Variants in DCUN1D3 observed in about 807,000 individuals in gnomAD.
DCUN1D3 encodes the protein DCN1-like protein 3.
A neutral mutation model predicts 24.8 loss-of-function variants in DCUN1D3; 6 were observed. That is an observed-to-expected ratio of 0.24 (90% CI 0.13 to 0.48). The LOEUF is 0.48. Ranked by LOEUF, DCUN1D3 falls within the 20% of genes least tolerant of loss-of-function variation. DCUN1D3 has a pLI of 0.99. For missense variants in DCUN1D3, 258 were observed against 379.4 expected (o/e 0.68, Z 2.66); for synonymous variants, 120 against 144.9 (o/e 0.83, Z 1.24).
intron 1 of DCUN1D3, among the ~76,000 whole-genome samples, chr16:20,888,462 A>AT (rs2152518648): frequency 6.6e-6 from 1 of 152,240 alleles, no homozygotes; most frequent in South Asian, 2.1e-4. Flanking sequence ...ATGTACATCT[A>AT]TTTTTTGTTT....
At chr16:20,888,869 T>G (rs896353663) in intron 1 of DCUN1D3, among the ~76,000 whole-genome samples, 1 of 152,122 alleles carries the variant, frequency 6.6e-6, no homozygotes, top group Admixed American at 6.6e-5. Flanking sequence ...GGTGGATCAC[T>G]TGAGGTCAGG....
At chr16:20,898,459 CT>C (rs1225179466) in intron 1 of DCUN1D3, among the ~76,000 whole-genome samples, 3 of 152,214 alleles carry the variant, frequency 2.0e-5, no homozygotes, top group South Asian at 2.1e-4. Context: ...CTGGCTAGCA[CT>C]TAGGAGTCAA....
intron 1 of DCUN1D3, among the ~76,000 whole-genome samples, chr16:20,894,000 C>T (rs2081904134): frequency 6.6e-6 from 1 of 152,186 alleles, no homozygotes; most frequent in African/African-American, 2.4e-5. Flanking sequence ...GGTGTGGTGG[C>T]TCACGCCTGT....
At chr16:20,892,618 C>T (rs2081897162) in intron 1 of DCUN1D3, among the ~76,000 whole-genome samples, 1 of 152,212 alleles carries the variant, frequency 6.6e-6, no homozygotes, top group Non-Finnish European at 1.5e-5. Flanking sequence ...ATGGATCCAC[C>T]TGGATTCTCC....
At chr16:20,881,613 A>C (rs1004633095) in intron 1 of DCUN1D3, among the ~76,000 whole-genome samples, 4 of 151,850 alleles carry the variant, frequency 2.6e-5, no homozygotes, top group African/African-American at 2.4e-5. Flanking sequence ...GGCATTTTAC[A>C]GTCATGATAG....
intron 1 of DCUN1D3, among the ~76,000 whole-genome samples, chr16:20,866,499 C>A (rs2081762840): frequency 6.6e-6 from 1 of 152,110 alleles, no homozygotes; most frequent in Admixed American, 6.5e-5. Context: ...CAAATCCTGG[C>A]GCCAAGGCCT....
At chr16:20,895,494 C>T (rs553681493) in intron 1 of DCUN1D3, among the ~76,000 whole-genome samples, 14 of 152,272 alleles carry the variant, frequency 9.2e-5, no homozygotes, top group African/African-American at 2.2e-4. Flanking sequence ...TGTGCATCAC[C>T]GCCACTCCCT....
intron 1 of DCUN1D3, among the ~76,000 whole-genome samples, chr16:20,895,251 T>C (rs988893103): frequency 9.2e-5 from 9 of 97,622 alleles, no homozygotes; most frequent in African/African-American, 3.8e-4. Flanking sequence ...TGCACCACCA[T>C]GCCTGGCTAA....
chr16:20,889,686 G>T lies in DCUN1D3; in HGVS notation c.-106+10518C>A, dbSNP rs2081882936. Among the ~76,000 whole-genome samples the T allele has an allele frequency of 3.9e-5, 6 of 152,082 alleles. No homozygotes were observed. The South Asian group carries it at 1.2e-3, about 32-fold the overall frequency. ...AATGGAGTATTAGAAAAATGTATTTGGTCTTTGTCCCTGGTTCCTGCCAGA... is the reference window on the plus strand; with the variant it reads ...AATGGAGTATTAGAAAAATGTATTTTGTCTTTGTCCCTGGTTCCTGCCAGA... On this transcript the variant is annotated intron_variant, in intron 1 of 2. Transcript: ENST00000324344.
At chr16:20,870,921 C>T (rs2081785284) in intron 1 of DCUN1D3, among the ~76,000 whole-genome samples, 1 of 152,210 alleles carries the variant, frequency 6.6e-6, no homozygotes, top group Non-Finnish European at 1.5e-5. Context: ...GGCGGTTGTA[C>T]TGGCACAGCC....
At chr16:20,866,924 G>C (rs1056760588) in intron 1 of DCUN1D3, among the ~76,000 whole-genome samples, 2 of 152,126 alleles carry the variant, frequency 1.3e-5, no homozygotes, top group Non-Finnish European at 2.9e-5. Context: ...CTTTCCCCAG[G>C]CTCCATCACA....
intron 1 of DCUN1D3, among the ~76,000 whole-genome samples, chr16:20,899,160 AAAGT>A (rs2081941350): frequency 6.6e-6 from 1 of 152,382 alleles, no homozygotes; most frequent in Non-Finnish European, 1.5e-5. Flanking sequence ...TAGAAACAAA[AAAGT>A]AATATGGGGT....
chr16:20,899,235 T>C (rs775422677), intron 1 of DCUN1D3, among the ~76,000 whole-genome samples: 1 of 152,360 alleles, frequency 6.6e-6, no homozygotes, highest in Non-Finnish European at 1.5e-5. Flanking sequence ...AATCCAGAAT[T>C]AGCCTAGCAA....
intron 1 of DCUN1D3, among the ~76,000 whole-genome samples, chr16:20,881,854 G>A (rs937316293): frequency 2.0e-5 from 3 of 152,162 alleles, no homozygotes; most frequent in African/African-American, 7.2e-5. Flanking sequence ...GCGTGCTGGA[G>A]TGCAGTGGTA....
rs563188378 is a variant in DCUN1D3 at position 20,873,797 on chromosome 16, A to T, written c.-105-11154T>A. ...CAACCCTGAAAATACAGGAGGCTGG[A>T]GATGCTACCAGAAAGAGCTACCAGA... On this transcript the variant is annotated intron_variant, in intron 1 of 2. Coordinates refer to ENST00000324344, the MANE Select transcript of DCUN1D3 (RefSeq NM_173475.4). Among the ~76,000 whole-genome samples the T allele has an allele frequency of 2.6e-5, 4 of 152,294 alleles. No homozygotes were observed. The East Asian group carries it at 7.7e-4, about 29-fold the overall frequency.
Position 20,864,927 on chromosome 16 carries a change from AATG to A in DCUN1D3, c.-105-2287_-105-2285del, listed in dbSNP as rs1419433489. Among the ~76,000 whole-genome samples the A allele has an allele frequency of 2.6e-5, 4 of 152,200 alleles. No individual in the cohort carries two copies. The East Asian group carries it at 7.7e-4, about 29-fold the overall frequency. On this transcript the variant is annotated intron_variant, in intron 1 of 2. Coordinates refer to ENST00000324344, the MANE Select transcript of DCUN1D3 (RefSeq NM_173475.4). ...ATACTCACTTATAAAGTGCGAGCTA[AATG>A]ATGAGAACTTATGAATACAAAGAAG...
At chr16:20,874,074 G>A (rs1286832339) in intron 1 of DCUN1D3, among the ~76,000 whole-genome samples, 1 of 152,186 alleles carries the variant, frequency 6.6e-6, no homozygotes, top group Non-Finnish European at 1.5e-5. Flanking sequence ...TTAGATATCA[G>A]GTTTTCTATC....
At chr16:20,867,181 G>A (rs542103061) in intron 1 of DCUN1D3, among the ~76,000 whole-genome samples, 1 of 152,264 alleles carries the variant, frequency 6.6e-6, no homozygotes, top group African/African-American at 2.4e-5. Context: ...TCACACATCT[G>A]GCTCAAGATA....
intron 1 of DCUN1D3, among the ~76,000 whole-genome samples, chr16:20,881,557 G>T (rs1005195685): frequency 6.6e-6 from 1 of 152,088 alleles, no homozygotes; most frequent in African/African-American, 2.4e-5. Flanking sequence ...AACCAAGCTT[G>T]ATAAACGTTC....
Sources: allele counts gnomAD v4.1 joint callset (sites outside exome capture counted in the v4.1 genomes callset), GRCh38; gene constraint gnomAD v4.1.1; transcripts MANE v1.5; gene names NCBI Gene and HGNC (gene_info 2026-07-23, HGNC 2026-07-21).